The following DNAH14 variants were observed in gnomAD, a reference collection of about 807,000 sequenced individuals.
The protein encoded by DNAH14 is dynein axonemal heavy chain 14, also known as axonemal beta dynein heavy chain 14.
A neutral mutation model predicts 520.9 loss-of-function variants in DNAH14; 478 were observed. The observed-to-expected ratio is 0.92, with a 90% CI of 0.85 to 0.99. The LOEUF (loss-of-function observed/expected upper bound fraction) is 0.99. Among genes scored for constraint, DNAH14 ranks in the 50% least tolerant of loss-of-function variants. The pLI is 0.00. For missense variants in DNAH14, 4,831 were observed against 5,234.5 expected, an observed-to-expected ratio of 0.92 and a Z score of 2.38; for synonymous variants, 1,581 against 1,757.2, an observed-to-expected ratio of 0.90 and a Z score of 2.51.
At chr1:224,946,212 C>T (rs1314403264) in intron 1 of DNAH14, among the ~76,000 whole-genome samples, 2 of 152,196 alleles carry the variant, frequency 1.3e-5, no homozygotes, top group Non-Finnish European at 2.9e-5. Flanking sequence ...CTCCCTCAGT[C>T]TCACTGCGGC....
intron 55 of DNAH14, 83 bp downstream of exon 55, chr1:225,290,165 G>A (rs1488868031): frequency 1.0e-5 from 10 of 996,220 alleles, no homozygotes; most frequent in Non-Finnish European, 1.1e-5. Context: ...TATTTGAAAA[G>A]AAAACAAGAA....
intron 32 of DNAH14, among the ~76,000 whole-genome samples, chr1:225,152,412 G>T (rs1212435020): frequency 6.6e-6 from 1 of 152,176 alleles, no homozygotes; most frequent in Non-Finnish European, 1.5e-5. Context: ...TGCAGGGAGT[G>T]GAGGTTGAGC....
At chr1:225,048,555 T>G (rs1009751198) in intron 15 of DNAH14, among the ~76,000 whole-genome samples, 4 of 152,186 alleles carry the variant, frequency 2.6e-5, no homozygotes, top group Admixed American at 2.0e-4. Context: ...TCAATAGTCT[T>G]TTTTTAAATT....
At chr1:224,962,363 A>G (rs941143674) in intron 4 of DNAH14, among the ~76,000 whole-genome samples, 3 of 152,168 alleles carry the variant, frequency 2.0e-5, no homozygotes, top group African/African-American at 7.2e-5. Flanking sequence ...TGCCTGACCT[A>G]ATCAGATATA....
At chr1:225,196,490 A>G (rs764764272) in intron 38 of DNAH14, among the ~76,000 whole-genome samples, 5 of 152,074 alleles carry the variant, frequency 3.3e-5, no homozygotes, top group Non-Finnish European at 5.9e-5. Flanking sequence ...GTGTGCAAAT[A>G]CCTTTTTCAT....
chr1:224,997,562 G>T (rs1319759979), intron 8 of DNAH14, among the ~76,000 whole-genome samples: 1 of 151,944 alleles, frequency 6.6e-6, no homozygotes, highest in Non-Finnish European at 1.5e-5. Flanking sequence ...GTTGCTAGTT[G>T]AACTTTCTTT....
chr1:224,951,692 C>T (rs1465109524), intron 1 of DNAH14, among the ~76,000 whole-genome samples: 3 of 145,986 alleles, frequency 2.1e-5, no homozygotes, highest in Non-Finnish European at 4.5e-5. Flanking sequence ...GCTCTGTTAC[C>T]CAGGCTGGAG....
chr1:225,108,426 A>G (rs1342043696), intron 23 of DNAH14, among the ~76,000 whole-genome samples: 1 of 152,112 alleles, frequency 6.6e-6, no homozygotes, highest in Non-Finnish European at 1.5e-5. Flanking sequence ...TCATATATAC[A>G]TCTATCCTAT....
chr1:225,096,922 A>G (rs2075031725), intron 21 of DNAH14, among the ~76,000 whole-genome samples, 196 bp from the exon 22 acceptor site: 1 of 152,170 alleles, frequency 6.6e-6, no homozygotes, highest in African/African-American at 2.4e-5. Context: ...ATGACAGAAA[A>G]TGGATGAACA....
chr1:225,307,820 T>C (rs1394580174), intron 59 of DNAH14, among the ~76,000 whole-genome samples: 1 of 152,254 alleles, frequency 6.6e-6, no homozygotes, highest in African/African-American at 2.4e-5. Context: ...ATAGTAGGTA[T>C]ATAGCTAACT....
In DNAH14 at chr1:225,173,692, G is replaced by A. The variant is rs1324006957; in HGVS notation, c.5535+5664G>A. On this transcript the variant is annotated intron_variant, in intron 36 of 85. Transcript: ENST00000682510. ...GTAAACTAGTTCAACCATTGTGGAA[G>A]TCAGTGTGGCGATTCTTCAGGGATC... 4.6e-5 allele frequency among the ~76,000 whole-genome samples: 7 copies of A among 152,324 alleles called. 1 individual carries two copies. Among genetic ancestry groups the A allele is most frequent in the Admixed American group, 4.6e-4 (7 of 15,302 alleles).
chr1:225,276,942 A>AAAGGAAGGAAGGAAGG (rs1233915382), intron 53 of DNAH14, among the ~76,000 whole-genome samples: 1 of 68,950 alleles, frequency 1.5e-5, no homozygotes, highest in East Asian at 5.4e-4. Context: ...AGAAGAAGAA[A>AAAGGAAGGAAGGAAGG]AAGGAAGGAA....
chr1:225,040,523 A>T (rs2067383521), intron 12 of DNAH14, among the ~76,000 whole-genome samples: 1 of 152,220 alleles, frequency 6.6e-6, no homozygotes, highest in African/African-American at 2.4e-5. Context: ...GCAAACACTC[A>T]TGTAGGCTTC....
intron 20 of DNAH14, among the ~76,000 whole-genome samples, chr1:225,084,512 A>G (rs2073508959): frequency 1.3e-5 from 2 of 152,100 alleles, no homozygotes; most frequent in African/African-American, 2.4e-5. Flanking sequence ...TATGACAACT[A>G]TTTTGTCCAA....
At chr1:225,171,889 C>A (rs1433012360) in intron 36 of DNAH14, among the ~76,000 whole-genome samples, 1 of 152,176 alleles carries the variant, frequency 6.6e-6, no homozygotes, top group East Asian at 1.9e-4. Flanking sequence ...CAAACCGAAT[C>A]CAGCAGCACA....
intron 37 of DNAH14, among the ~76,000 whole-genome samples, chr1:225,192,111 A>T (rs1344675024): frequency 2.0e-5 from 3 of 151,934 alleles, no homozygotes; most frequent in African/African-American, 7.2e-5. Context: ...CCCCCATATG[A>T]ATGTCTTAAT....
chr1:225,185,305 G>A lies in DNAH14; in HGVS notation c.5550G>A (p.Val1850=). The A allele has an allele frequency of 6.5e-7, 1 of 1,544,156 alleles. No individual in the cohort carries two copies. The stretch of plus-strand genomic sequence containing the variant: ...TTTTGTTTTAGGTTTGTGTTGGTGT[G>A]ATGTTAGTGGGCCCAACAGGTGGAG... The part of the protein sequence containing the change: ...FYNQLQVCVG[V]MLVGPTGGGK... Residue 1850 remains valine (V), a synonymous_variant, in exon 37 of 86, where the codon GTG becomes GTA. Transcript: ENST00000682510.
chr1:225,393,796 A>G (rs1428116411), intron 84 of DNAH14, among the ~76,000 whole-genome samples: 2 of 151,316 alleles, frequency 1.3e-5, no homozygotes, highest in East Asian at 3.9e-4. Flanking sequence ...GTGGACGTGC[A>G]GTGATATATC....
intron 66 of DNAH14, among the ~76,000 whole-genome samples, chr1:225,336,956 A>C (rs2095069674): frequency 6.6e-6 from 1 of 152,168 alleles, no homozygotes; most frequent in Non-Finnish European, 1.5e-5. Context: ...TCTATATTGT[A>C]TGCGTTAGAG....
Sources: allele counts gnomAD v4.1 joint callset (sites outside exome capture counted in the v4.1 genomes callset), GRCh38; gene constraint gnomAD v4.1.1; transcripts MANE v1.5; gene names NCBI Gene and HGNC (gene_info 2026-07-23, HGNC 2026-07-21).